Variants in FTO observed in about 807,000 individuals in gnomAD.
FTO encodes alpha-ketoglutarate-dependent dioxygenase FTO.
Under a neutral mutation model 63.9 loss-of-function variants are expected in FTO, and 47 were observed. That is an observed-to-expected ratio of 0.74 (90% CI 0.58 to 0.94). The LOEUF (loss-of-function observed/expected upper bound fraction) is 0.94. FTO is among the 40% of genes least tolerant of loss of function. The pLI is 0.00. For synonymous variants in FTO, 207 were observed against 224.4 expected, an observed-to-expected ratio of 0.92 and a Z score of 0.69; for missense variants, 562 against 618.1, an observed-to-expected ratio of 0.91 and a Z score of 0.96.
Position 53,704,158 on chromosome 16 carries a change from G to A in FTO, c.-27G>A. ...AGGGCGAGGGATCTACGCAGCTTGC[G>A]GTGGCGAAGGCGGCTTTAGTGGCAG... On this transcript the variant is annotated 5_prime_UTR_variant, in exon 1 of 9. Coordinates refer to ENST00000471389, the MANE Select transcript of FTO (RefSeq NM_001080432.3). The A allele has an allele frequency of 6.4e-7, 1 of 1,551,428 alleles. No homozygotes were observed. The highest frequency in any genetic ancestry group is 8.7e-7 in the Non-Finnish European group (1 of 1,146,744).
chr16:53,901,064 T>C (rs1002978064), intron 7 of FTO, among the ~76,000 whole-genome samples: 2 of 152,246 alleles, frequency 1.3e-5, no homozygotes, highest in African/African-American at 4.8e-5. Flanking sequence ...CGTTTGATTA[T>C]CTTGCACTTG....
chr16:53,790,978 G>T (rs1008680862), intron 1 of FTO, among the ~76,000 whole-genome samples: 1 of 152,150 alleles, frequency 6.6e-6, no homozygotes, highest in Non-Finnish European at 1.5e-5. Context: ...AGGGAGCTTA[G>T]GTTATAGGAA....
intron 3 of FTO, among the ~76,000 whole-genome samples, chr16:53,838,182 G>T (rs1479665734): frequency 6.6e-6 from 1 of 152,188 alleles, no homozygotes; most frequent in African/African-American, 2.4e-5. Context: ...AGACTCCATG[G>T]TACCAGCTGG....
At chr16:53,784,618 AG>A (rs1220666292) in intron 1 of FTO, among the ~76,000 whole-genome samples, 1 of 152,174 alleles carries the variant, frequency 6.6e-6, no homozygotes, top group Non-Finnish European at 1.5e-5. Context: ...ACTAAGTTTA[AG>A]TGATTTCACA....
chr16:54,050,001 G>C (rs1369954240), intron 8 of FTO, among the ~76,000 whole-genome samples: 1 of 152,076 alleles, frequency 6.6e-6, no homozygotes, highest in Non-Finnish European at 1.5e-5. Context: ...ACAGGATCCC[G>C]GCCCTTTTCA....
intron 1 of FTO, among the ~76,000 whole-genome samples, chr16:53,730,343 A>T (rs576193210): frequency 6.6e-6 from 1 of 152,156 alleles, no homozygotes; most frequent in African/African-American, 2.4e-5. Flanking sequence ...CCAACATGTG[A>T]TGTATCTTTT....
At chr16:53,807,248 C>A (rs1367660680) in intron 1 of FTO, among the ~76,000 whole-genome samples, 1 of 152,180 alleles carries the variant, frequency 6.6e-6, no homozygotes, top group Non-Finnish European at 1.5e-5. Flanking sequence ...TCTCTGCTGT[C>A]ATGTAGATAC....
At chr16:53,749,603 C>G (rs1237405459) in intron 1 of FTO, among the ~76,000 whole-genome samples, 1 of 151,804 alleles carries the variant, frequency 6.6e-6, no homozygotes, top group East Asian at 1.9e-4. Flanking sequence ...CACGCCCGGC[C>G]AATTTTTTTG....
At chr16:54,044,253 A>G (rs1301496046) in intron 8 of FTO, among the ~76,000 whole-genome samples, 2 of 60,386 alleles carry the variant, frequency 3.3e-5, no homozygotes, top group Non-Finnish European at 5.0e-5. Flanking sequence ...AAATAAAAGG[A>G]TGGAGGAAGA....
At chr16:53,877,446 T>C (rs2080689663) in intron 5 of FTO, among the ~76,000 whole-genome samples, 2 of 152,220 alleles carry the variant, frequency 1.3e-5, no homozygotes, top group African/African-American at 4.8e-5. Flanking sequence ...TCACAAAAGA[T>C]ACATATTATA....
chr16:53,826,550 A>C lies in FTO; in HGVS notation c.751+59A>C, dbSNP rs994660335. ...TGTAATAATATGACCCGAGTTGTTTAGGCTCTGGAGATACACACGCATATA... is the reference window on the plus strand; with the variant it reads ...TGTAATAATATGACCCGAGTTGTTTCGGCTCTGGAGATACACACGCATATA... On this transcript the variant is annotated intron_variant, in intron 3 of 8. Transcript: ENST00000471389. The C allele has an allele frequency of 9.7e-6, 15 of 1,545,230 alleles. No homozygotes were observed. In the East Asian group the frequency reaches 2.2e-4, roughly 23 times the overall value.
At chr16:54,066,592 G>A (rs1031409941) in intron 8 of FTO, among the ~76,000 whole-genome samples, 2 of 152,206 alleles carry the variant, frequency 1.3e-5, no homozygotes, top group Admixed American at 6.5e-5. Context: ...TACACCCAGC[G>A]CATGTGCTCA....
At chr16:54,017,508 C>G (rs1387859111) in intron 8 of FTO, among the ~76,000 whole-genome samples, 1 of 152,192 alleles carries the variant, frequency 6.6e-6, no homozygotes, top group African/African-American at 2.4e-5. Context: ...ACCTTGCACT[C>G]TTAGGCGCTT....
intron 8 of FTO, chr16:54,063,694 C>CT (rs572702095): frequency 0.027 from 3,607 of 131,778 alleles, 79 homozygotes; most frequent in African/African-American, 0.045. Flanking sequence ...GAACTCTTTT[C>CT]TTTTTTTTTT....
intron 1 of FTO, among the ~76,000 whole-genome samples, chr16:53,717,442 T>G (rs1460291284): frequency 1.3e-5 from 2 of 152,128 alleles, no homozygotes; most frequent in Non-Finnish European, 1.5e-5. Flanking sequence ...GATTTGTTTA[T>G]TCATATAGGC....
chr16:53,891,077 G>A (rs1400655572), intron 7 of FTO, among the ~76,000 whole-genome samples: 2 of 150,598 alleles, frequency 1.3e-5, no homozygotes, highest in Non-Finnish European at 1.5e-5. Flanking sequence ...TGCAACCTCC[G>A]CCTCCCGAGT....
chr16:54,040,679 A>T (rs1411533844), intron 8 of FTO: 3 of 152,238 alleles, frequency 2.0e-5, no homozygotes, highest in Admixed American at 6.5e-5. Flanking sequence ...TTACATGCAA[A>T]GCAAACGGTT....
chr16:54,035,443 A>AGTT, intron 8 of FTO, among the ~76,000 whole-genome samples: 1 of 152,350 alleles, frequency 6.6e-6, no homozygotes, highest in South Asian at 2.1e-4. Flanking sequence ...TTAGTCAGAC[A>AGTT]CTGGATAGCA....
chr16:53,851,904 A>C (rs2079808539), intron 4 of FTO, among the ~76,000 whole-genome samples: 1 of 152,140 alleles, frequency 6.6e-6, no homozygotes, highest in African/African-American at 2.4e-5. Flanking sequence ...ACTGCTTTTC[A>C]CTGTATTTGC....
Sources: gnomAD v4.1 joint callset for allele counts (sites outside exome capture counted in the v4.1 genomes callset) on GRCh38, gnomAD v4.1.1 for gene constraint, MANE v1.5 for transcripts, NCBI Gene and HGNC (gene_info 2026-07-23, HGNC 2026-07-21) for gene names.